P2RX5: variants seen among roughly 807,000 people sequenced by gnomAD.
The protein encoded by P2RX5 is purinergic receptor P2X 5.
Under a neutral mutation model 54.1 loss-of-function variants are expected in P2RX5, and 46 were observed. That is an observed-to-expected ratio of 0.85 (90% CI 0.67 to 1.09). The LOEUF (loss-of-function observed/expected upper bound fraction) is 1.09, where lower values mean the gene tolerates loss of function less well. Ranked by LOEUF, P2RX5 falls within the 50% of genes least tolerant of loss-of-function variation. P2RX5 has a pLI of 0.00. For missense variants in P2RX5, 566 were observed against 549.8 expected (o/e 1.03, Z -0.29); for synonymous variants, 226 against 226.4 (o/e 1.00, Z 0.02).
At chr17:3,711,161 A>G in the P2RX5 span, among the ~76,000 whole-genome samples, 1 of 152,116 alleles carries the variant, frequency 6.6e-6, no homozygotes, top group Non-Finnish European at 1.5e-5. Flanking sequence ...CTGGGAAAGT[A>G]CCCCATGTGC....
chr17:3,679,658 C>T lies in P2RX5; in HGVS notation c.1191G>A (p.Glu397=), dbSNP rs2050184363. 1 of 1,611,074 alleles carries T rather than the reference C, an allele frequency of 6.2e-7. No individual in the cohort carries two copies. Among genetic ancestry groups the T allele is most frequent in the Non-Finnish European group, 8.5e-7 (1 of 1,179,830 alleles). ...PEQQELQEPP[E]AKRGSSSQKG... Reference sequence around the variant, plus strand: ...TCTGACTGCTGCTTCCACGCTTCGCCTCGGGTGGCTCCTGCAGCTCCTGCT... The same window carrying T: ...TCTGACTGCTGCTTCCACGCTTCGCTTCGGGTGGCTCCTGCAGCTCCTGCT... The change falls in exon 11 of 12, where the codon GAG becomes GAA. Residue 397 remains glutamate (E), a synonymous_variant. Transcript: ENST00000225328.
intron 7 of P2RX5, 45 bp downstream of exon 7, chr17:3,689,447 G>A (rs767013976): frequency 1.1e-5 from 18 of 1,610,172 alleles, no homozygotes; most frequent in African/African-American, 8.0e-5. Context: ...CAGGCCCAGT[G>A]CCCCCAGGCC....
intron 11 of P2RX5, chr17:3,677,879 C>G: frequency 1.0e-6 from 1 of 985,370 alleles, no homozygotes; most frequent in Non-Finnish European, 1.2e-6. Flanking sequence ...CTTCTAGGTC[C>G]GAGCCCCTCT....
the P2RX5 span, among the ~76,000 whole-genome samples, chr17:3,703,744 T>G: frequency 6.6e-6 from 1 of 151,724 alleles, no homozygotes; most frequent in African/African-American, 2.4e-5. Flanking sequence ...AGCCTGAGAT[T>G]CCAACAAACC....
chr17:3,683,985 G>A (rs561044777), intron 9 of P2RX5, among the ~76,000 whole-genome samples: 1 of 152,332 alleles, frequency 6.6e-6, no homozygotes, highest in South Asian at 2.1e-4. Context: ...AGAGGAATGA[G>A]GGAAGAGGCT....
chr17:3,675,635 TCTGCCTCCCAGGTTCAAGCGATTCTC>T lies in P2RX5; in HGVS notation c.1260-1784_1260-1759del, dbSNP rs1300573129. 6 of 878,036 alleles carry T rather than the reference TCTGCCTCCCAGGTTCAAGCGATTCTC, an allele frequency of 6.8e-6. No homozygotes were observed. The African/African-American group carries it at 1.1e-4, about 16-fold the overall frequency. The allele number at this position is 878,036 out of a possible 1,614,324, so 54.4% of individuals were successfully genotyped here. A position where few individuals can be genotyped will look rare whatever the true frequency, so the allele number is the denominator to read the frequency against. On this transcript the variant is annotated intron_variant, in intron 11 of 11. Transcript: ENST00000225328. ...GGTATGATCTCAGCTCACTGCAACC[TCTGCCTCCCAGGTTCAAGCGATTCTC>T]CTGCCTCCGCCTCCCGAGTAGCTGG...
At chr17:3,710,913 G>A in the P2RX5 span, among the ~76,000 whole-genome samples, 1 of 152,130 alleles carries the variant, frequency 6.6e-6, no homozygotes, top group African/African-American at 2.4e-5. Flanking sequence ...GAACGAGAGC[G>A]AGACCCTGTC....
chr17:3,718,466 G>A, the P2RX5 span: 1 of 152,254 alleles, frequency 6.6e-6, no homozygotes, highest in South Asian at 2.1e-4. Flanking sequence ...CATCGCCCCA[G>A]GCCGGCCTCC....
the P2RX5 span, among the ~76,000 whole-genome samples, chr17:3,720,823 T>G: frequency 1.3e-5 from 2 of 152,224 alleles, no homozygotes; most frequent in South Asian, 4.1e-4. Flanking sequence ...CCTCAGATGA[T>G]CTACCCACCT....
the P2RX5 span, chr17:3,717,599 C>T: frequency 2.0e-5 from 3 of 152,376 alleles, no homozygotes; most frequent in South Asian, 6.2e-4. Flanking sequence ...CAAGACTTCT[C>T]TGCCTGCCCA....
upstream of P2RX5, chr17:3,696,385 C>G: frequency 6.0e-6 from 1 of 165,396 alleles, no homozygotes; most frequent in Non-Finnish European, 1.3e-5. Flanking sequence ...TGTTGCCCAG[C>G]TGAAAGCAGC....
At chr17:3,689,983 C>G (rs538183566) in intron 6 of P2RX5, 87 bp downstream of exon 6, 1 of 1,175,812 alleles carries the variant, frequency 8.5e-7, no homozygotes, top group East Asian at 2.3e-5. Context: ...CGCACACACA[C>G]CCCCAGGCAG....
At chr17:3,718,826 G>A in the P2RX5 span, among the ~76,000 whole-genome samples, 2 of 152,174 alleles carry the variant, frequency 1.3e-5, no homozygotes, top group Non-Finnish European at 2.9e-5. Flanking sequence ...TGTATGGCTT[G>A]GATTTTCTTG....
At chr17:3,690,327 AG>A in intron 5 of P2RX5, 99 bp downstream of exon 5, 1 of 1,147,762 alleles carries the variant, frequency 8.7e-7, no homozygotes, top group Non-Finnish European at 1.3e-6. Flanking sequence ...CTCCTCCCTC[AG>A]CGTGAGGCTC....
chr17:3,692,545 C>T (rs1276653430), intron 1 of P2RX5, among the ~76,000 whole-genome samples: 1 of 151,744 alleles, frequency 6.6e-6, no homozygotes, highest in African/African-American at 2.4e-5. Context: ...GGGCATTCTA[C>T]AAAATAAGAG....
rs1265307698 is a variant in P2RX5 at position 3,696,008 on chromosome 17, C to A, written c.-3G>T. The A allele has an allele frequency of 1.2e-6, 2 of 1,613,528 alleles. No individual in the cohort carries two copies. Among genetic ancestry groups the A allele is most frequent in the Non-Finnish European group, 1.7e-6 (2 of 1,179,716 alleles). On this transcript the variant is annotated 5_prime_UTR_variant, in exon 1 of 12. Transcript: ENST00000225328. ...CCCTTGCAGCCCGCCTGCCCCATGG[C>A]GCGCTCTCAGCCGGGCTTGCGGACC...
At chr17:3,675,874 G>C (rs2050092465) in intron 11 of P2RX5, 1 of 985,256 alleles carries the variant, frequency 1.0e-6, no homozygotes, top group Admixed American at 6.2e-5. Context: ...TCTAATCAGA[G>C]AGCAGTATAG....
chr17:3,674,029 C>T, intron 11 of P2RX5, 152 bp from the exon 12 acceptor site: 1 of 826,500 alleles, frequency 1.2e-6, no homozygotes, highest in East Asian at 2.7e-5. Context: ...CAGTTTCCGG[C>T]CAGGCGCGGT....
At chr17:3,723,704 G>T in the P2RX5 span, 5 of 1,602,254 alleles carry the variant, frequency 3.1e-6, no homozygotes, top group Non-Finnish European at 4.3e-6. Flanking sequence ...CGAACTGTAC[G>T]CACAAGCGCG....
Sources: gnomAD v4.1 joint callset for allele counts (sites outside exome capture counted in the v4.1 genomes callset) on GRCh38, gnomAD v4.1.1 for gene constraint, MANE v1.5 for transcripts, NCBI Gene and HGNC (gene_info 2026-07-23, HGNC 2026-07-21) for gene names.